LRRC8A: variants seen among roughly 807,000 people sequenced by gnomAD.
The protein encoded by LRRC8A is leucine rich repeat containing 8 VRAC subunit A, also known as volume-regulated anion channel subunit LRRC8A.
A neutral mutation model predicts 52.5 loss-of-function variants in LRRC8A; 24 were observed. That is an observed-to-expected ratio of 0.46 (90% CI 0.33 to 0.64). LRRC8A has a LOEUF of 0.64. Ranked by LOEUF, LRRC8A falls within the 30% of genes least tolerant of loss-of-function variation. The pLI is 0.02. For missense variants in LRRC8A, 677 were observed against 1,094.7 expected (o/e 0.62, Z 5.38); for synonymous variants, 492 against 494.2 (o/e 1.00, Z 0.06).
At chr9:128,890,170 G>GTGTGTGTGTGTGTGTGTGT (rs59046900) in intron 2 of LRRC8A, among the ~76,000 whole-genome samples, 4 of 148,130 alleles carry the variant, frequency 2.7e-5, no homozygotes, top group Non-Finnish European at 4.5e-5. Flanking sequence ...GTGTGTGTGT[G>GTGTGTGTGTGTGTGTGTGT]CTGGGAAGGC....
rs1839654985 is a variant in LRRC8A at position 128,892,286 on chromosome 9, C to T, written c.-9+6165C>T. On this transcript the variant is annotated intron_variant, in intron 2 of 3. Coordinates refer to ENST00000372600, the MANE Select transcript of LRRC8A (RefSeq NM_019594.4). This position sits in a 1 kb window ranked among gnomAD's most constrained non-coding sequence, Gnocchi z 5.2. ...GGCAGGGCGAGGGCAGGTCCTGAGG[C>T]TGCACCTCCAGCCCCACCTGCTGCC... 6.6e-6 allele frequency among the ~76,000 whole-genome samples: 1 copy of T among 152,214 alleles called. No individual in the cohort carries two copies. Among genetic ancestry groups the T allele is most frequent in the Non-Finnish European group, 1.5e-5 (1 of 68,032 alleles).
intron 3 of LRRC8A, among the ~76,000 whole-genome samples, chr9:128,915,347 G>C (rs146689392): frequency 1.6e-3 from 251 of 152,240 alleles, no homozygotes; most frequent in African/African-American, 5.3e-3. Flanking sequence ...ATTTTTTTGA[G>C]ATGGAGTCTC....
chr9:128,900,542 C>T (rs974138570), intron 2 of LRRC8A, among the ~76,000 whole-genome samples: 8 of 151,802 alleles, frequency 5.3e-5, no homozygotes, highest in African/African-American at 1.9e-4. Flanking sequence ...AACCCTGTCT[C>T]TACTAAAATA....
At chr9:128,905,563 A>G (rs1840212447) in intron 2 of LRRC8A, among the ~76,000 whole-genome samples, 1 of 152,156 alleles carries the variant, frequency 6.6e-6, no homozygotes, top group Non-Finnish European at 1.5e-5. Context: ...TCAGGTTCCC[A>G]GCCAGGCACG....
intron 1 of LRRC8A, chr9:128,885,435 C>T (rs1485535980): frequency 6.6e-6 from 1 of 152,348 alleles, no homozygotes; most frequent in Non-Finnish European, 1.5e-5. Flanking sequence ...TTTTCCAGCT[C>T]CTACTCTTAG....
intron 2 of LRRC8A, among the ~76,000 whole-genome samples, chr9:128,901,512 G>A (rs968893705): frequency 9.9e-5 from 15 of 152,076 alleles, no homozygotes; most frequent in African/African-American, 3.4e-4. Flanking sequence ...CTACAGTCCA[G>A]CTACTCTGGA....
At chr9:128,904,251 A>G (rs769155141) in intron 2 of LRRC8A, among the ~76,000 whole-genome samples, 8 of 151,890 alleles carry the variant, frequency 5.3e-5, no homozygotes, top group Non-Finnish European at 8.8e-5. Context: ...AGGCATGGTG[A>G]CTCACACCTA....
At position 128,899,646 on chromosome 9, in the gene LRRC8A, CA is replaced by C. The variant is rs1210334095; in HGVS notation, c.-8-7507del. On this transcript the variant is annotated intron_variant, in intron 2 of 3. Coordinates refer to ENST00000372600, the MANE Select transcript of LRRC8A (RefSeq NM_019594.4). This position sits in a 1 kb window ranked among gnomAD's most constrained non-coding sequence, Gnocchi z 4.0. ...TTACGTTAAGTGATACAGCCCATCACAAAAGGACAAATACCTTATGATTCCA... is the reference window on the plus strand; with the variant it reads ...TTACGTTAAGTGATACAGCCCATCACAAAGGACAAATACCTTATGATTCCA... Among the ~76,000 whole-genome samples the C allele has an allele frequency of 2.0e-5, 3 of 152,054 alleles. No homozygotes were observed. The highest frequency in any genetic ancestry group is 4.4e-5 in the Non-Finnish European group (3 of 68,028).
intron 2 of LRRC8A, among the ~76,000 whole-genome samples, chr9:128,890,060 C>T (rs1462210748): frequency 6.6e-6 from 1 of 151,778 alleles, no homozygotes; most frequent in African/African-American, 2.4e-5. Context: ...ACCTCGGCCT[C>T]CCAAAGTGCT....
At chr9:128,895,121 A>G (rs968708517) in intron 2 of LRRC8A, among the ~76,000 whole-genome samples, 12 of 152,256 alleles carry the variant, frequency 7.9e-5, no homozygotes, top group African/African-American at 2.9e-4. Flanking sequence ...CAGATAACAC[A>G]TTTTATATAC....
rs1839141747 is a variant in LRRC8A, at chr9:128,882,782, C to T, written c.-116+532C>T. 7.5e-6 allele frequency: 3 copies of T among 398,754 alleles called. No homozygotes were observed. In the Admixed American group the frequency reaches 1.3e-4, roughly 18 times the overall value. The allele number at this position is 398,754 out of a possible 1,614,324, so 24.7% of individuals were successfully genotyped here. A position where few individuals can be genotyped will look rare whatever the true frequency, so the allele number is the denominator to read the frequency against. ...CCCCGGCTAGGCTCTTGGGGCCTTT[C>T]TGGGATGGGATATTTGGGAAGACCG... On this transcript the variant is annotated intron_variant, in intron 1 of 3. Coordinates refer to ENST00000372600, the MANE Select transcript of LRRC8A (RefSeq NM_019594.4).
intron 3 of LRRC8A, among the ~76,000 whole-genome samples, chr9:128,910,252 T>C (rs1274160393): frequency 6.6e-6 from 1 of 152,164 alleles, no homozygotes; most frequent in African/African-American, 2.4e-5. Context: ...TAGTGAGACA[T>C]GTGGTGGAGG....
intron 3 of LRRC8A, among the ~76,000 whole-genome samples, chr9:128,913,390 A>G (rs1217338296): frequency 6.6e-6 from 1 of 152,132 alleles, no homozygotes; most frequent in Non-Finnish European, 1.5e-5. Context: ...GACCCACTGA[A>G]GTCTCTGGGG....
At chr9:128,890,528 C>T (rs536168524) in intron 2 of LRRC8A, among the ~76,000 whole-genome samples, 2 of 152,134 alleles carry the variant, frequency 1.3e-5, no homozygotes, top group Admixed American at 6.5e-5. Flanking sequence ...GCAGCGGGGG[C>T]GGTGGGCGGG....
chr9:128,891,746 C>T (rs1839630178), intron 2 of LRRC8A, among the ~76,000 whole-genome samples: 2 of 152,134 alleles, frequency 1.3e-5, no homozygotes, highest in Non-Finnish European at 2.9e-5. Flanking sequence ...TTTCCATGTA[C>T]CCCCTAAGGA....
At chr9:128,914,189 G>A (rs2131060687) in intron 3 of LRRC8A, among the ~76,000 whole-genome samples, 1 of 151,962 alleles carries the variant, frequency 6.6e-6, no homozygotes, top group Non-Finnish European at 1.5e-5. Context: ...GTGACAGAGT[G>A]AGACTCCGTC....
At chr9:128,910,562 A>G (rs979203083) in intron 3 of LRRC8A, among the ~76,000 whole-genome samples, 14 of 152,150 alleles carry the variant, frequency 9.2e-5, no homozygotes, top group Non-Finnish European at 2.1e-4. Context: ...GCATGGTGGC[A>G]TGTGCCTGTA....
chr9:128,914,836 G>T (rs770210696), intron 3 of LRRC8A, among the ~76,000 whole-genome samples: 25 of 152,246 alleles, frequency 1.6e-4, no homozygotes, highest in African/African-American at 5.8e-4. Context: ...CAGCAGGGCA[G>T]GGAAGAAGCT....
chr9:128,894,842 T>C (rs1839764503), intron 2 of LRRC8A, among the ~76,000 whole-genome samples: 1 of 151,056 alleles, frequency 6.6e-6, no homozygotes, highest in Non-Finnish European at 1.5e-5. Context: ...TTCATTGTGG[T>C]AAAATACACA....
Sources: allele counts gnomAD v4.1 joint callset (sites outside exome capture counted in the v4.1 genomes callset), GRCh38; gene constraint gnomAD v4.1.1; non-coding constraint Gnocchi (gnomAD v3.1); transcripts MANE v1.5; gene names NCBI Gene and HGNC (gene_info 2026-07-23, HGNC 2026-07-21).